FBXW8: variants seen among roughly 807,000 people sequenced by gnomAD.
FBXW8 encodes the protein F-box/WD repeat-containing protein 8.
Under a neutral mutation model 65.3 loss-of-function variants are expected in FBXW8, and 57 were observed. The observed-to-expected ratio is 0.87, with a 90% CI of 0.71 to 1.09. FBXW8 has a LOEUF of 1.09. Ranked by LOEUF, FBXW8 falls within the 50% of genes least tolerant of loss-of-function variation. The pLI is 0.00. For missense variants in FBXW8, 777 were observed against 814.8 expected (o/e 0.95, Z 0.57); for synonymous variants, 308 against 330.2 (o/e 0.93, Z 0.73).
intron 4 of FBXW8, chr12:116,951,002 A>G (rs1320212189): frequency 6.6e-6 from 1 of 152,228 alleles, no homozygotes; most frequent in African/African-American, 2.4e-5. Context: ...TTAAAAATAA[A>G]GGAGAGCCTT....
chr12:117,025,774 T>C (rs1954214028), intron 9 of FBXW8, among the ~76,000 whole-genome samples: 1 of 152,156 alleles, frequency 6.6e-6, no homozygotes, highest in East Asian at 1.9e-4. Context: ...CCCGGAAGCA[T>C]TGCCTTTGAG....
chr12:116,910,980 A>G lies in FBXW8; in HGVS notation c.-58A>G, dbSNP rs1309635017. On this transcript the variant is annotated 5_prime_UTR_variant, in exon 1 of 11. Transcript: ENST00000652555. ...CGCGGCGGACACTTCCCTGGGCGGGACTGTCTCGTGGCACCCGGTGGAACC... is the reference window on the plus strand; with the variant it reads ...CGCGGCGGACACTTCCCTGGGCGGGGCTGTCTCGTGGCACCCGGTGGAACC... 2.3e-6 allele frequency: 3 copies of G among 1,324,440 alleles called. No individual in the cohort carries two copies. Among genetic ancestry groups the G allele is most frequent in the Non-Finnish European group, 2.9e-6 (3 of 1,039,302 alleles). The allele number at this position is 1,324,440 out of a possible 1,614,324, so 82.0% of individuals were successfully genotyped here. A position where few individuals can be genotyped will look rare whatever the true frequency, so the allele number is the denominator to read the frequency against.
chr12:116,920,868 A>G lies in FBXW8; in HGVS notation c.319-7155A>G, dbSNP rs140644554. 1.4e-3 allele frequency among the ~76,000 whole-genome samples: 214 copies of G among 152,288 alleles called. 2 individuals carry two copies. Among genetic ancestry groups the G allele is most frequent in the African/African-American group, 5.0e-3 (206 of 41,556 alleles). On this transcript the variant is annotated intron_variant, in intron 1 of 10. Coordinates refer to ENST00000652555, the MANE Select transcript of FBXW8 (RefSeq NM_153348.3). ...TGTGAACATCTTTACTCTTTTCACA[A>G]ACCCACTGTGGTTTCAAAAACCACA...
chr12:116,959,933 T>C (rs1267417389), intron 4 of FBXW8, among the ~76,000 whole-genome samples: 1 of 152,218 alleles, frequency 6.6e-6, no homozygotes, highest in Non-Finnish European at 1.5e-5. Context: ...AGTTTTTCCT[T>C]AGTGTTCTTA....
chr12:116,945,658 A>G, intron 3 of FBXW8, 130 bp downstream of exon 3: 1 of 797,478 alleles, frequency 1.3e-6, no homozygotes, highest in South Asian at 2.0e-5. Flanking sequence ...CCTCCCCTTC[A>G]GCTGTTGGTG....
intron 6 of FBXW8, 133 bp from the exon 7 acceptor site, chr12:116,988,530 C>G (rs1953153756): frequency 1.3e-6 from 1 of 763,260 alleles, no homozygotes; most frequent in Non-Finnish European, 2.3e-6. Flanking sequence ...TGTTTCATTT[C>G]CTGTGAGTGT....
At chr12:116,979,791 A>C (rs1378765102) in intron 5 of FBXW8, among the ~76,000 whole-genome samples, 2 of 151,910 alleles carry the variant, frequency 1.3e-5, no homozygotes, top group Non-Finnish European at 2.9e-5. Flanking sequence ...AAAAAAAAAA[A>C]AAAAACACTT....
chr12:116,943,799 TG>T (rs1882759610), intron 2 of FBXW8, among the ~76,000 whole-genome samples: 1 of 152,232 alleles, frequency 6.6e-6, no homozygotes, highest in South Asian at 2.1e-4. Flanking sequence ...TCAAGCTTTT[TG>T]GTCAGCCTCT....
Position 116,911,005 on chromosome 12 carries a change from C to A in FBXW8, c.-33C>A, listed in dbSNP as rs756123296. The A allele has an allele frequency of 7.3e-7, 1 of 1,371,628 alleles. No individual in the cohort carries two copies. Among genetic ancestry groups the A allele is most frequent in the African/African-American group, 1.5e-5 (1 of 65,636 alleles). 85.0% of individuals were successfully genotyped at this position (1,371,628 alleles called of 1,614,324 possible). ...ACTGTCTCGTGGCACCCGGTGGAAC[C>A]GAGGAGAACGTGGAGCGCCGGGAGC... On this transcript the variant is annotated 5_prime_UTR_variant, in exon 1 of 11. Transcript: ENST00000652555.
intron 7 of FBXW8, among the ~76,000 whole-genome samples, chr12:117,006,459 G>A (rs547536877): frequency 7.9e-5 from 12 of 152,350 alleles, no homozygotes; most frequent in African/African-American, 2.9e-4. Context: ...TTCCTTCACA[G>A]TTTGCCTGGA....
At chr12:117,025,061 C>G (rs1434687912) in intron 9 of FBXW8, among the ~76,000 whole-genome samples, 2 of 152,126 alleles carry the variant, frequency 1.3e-5, no homozygotes, top group Middle Eastern at 3.2e-3. Flanking sequence ...GCTGGCTCAT[C>G]AGAGCTGACT....
intron 1 of FBXW8, among the ~76,000 whole-genome samples, chr12:116,914,793 T>C (rs1880268652): frequency 6.6e-6 from 1 of 152,168 alleles, no homozygotes; most frequent in Admixed American, 6.5e-5. Flanking sequence ...GAGAATCTCT[T>C]GAACCCAGGA....
intron 5 of FBXW8, among the ~76,000 whole-genome samples, chr12:116,977,265 T>G (rs796767993): frequency 2.8e-4 from 42 of 152,352 alleles, no homozygotes; most frequent in African/African-American, 8.4e-4. Context: ...TAGTATAATT[T>G]TAAGATTTTT....
chr12:117,011,744 T>C (rs1204438708), intron 8 of FBXW8, among the ~76,000 whole-genome samples: 1 of 152,156 alleles, frequency 6.6e-6, no homozygotes, highest in Non-Finnish European at 1.5e-5. Context: ...GGATGGTGGA[T>C]GGTGCTCAGA....
intron 8 of FBXW8, among the ~76,000 whole-genome samples, chr12:117,016,028 CAA>C (rs1039826321): frequency 3.3e-5 from 5 of 152,172 alleles, no homozygotes; most frequent in African/African-American, 1.2e-4. Flanking sequence ...TTTTTCTGGC[CAA>C]GTAATATTCC....
intron 5 of FBXW8, chr12:116,978,431 T>G (rs905459618): frequency 2.6e-5 from 4 of 152,236 alleles, no homozygotes; most frequent in Non-Finnish European, 4.4e-5. Flanking sequence ...TCAAAATGCC[T>G]TTTCCTTTGT....
At chr12:117,023,762 G>T (rs1209448016) in intron 8 of FBXW8, among the ~76,000 whole-genome samples, 2 of 152,230 alleles carry the variant, frequency 1.3e-5, no homozygotes, top group Non-Finnish European at 2.9e-5. Context: ...GTCTGGCTTT[G>T]TAGCTCTTGC....
intron 1 of FBXW8, 28 bp downstream of exon 1, chr12:116,911,383 CATGCCTGCG>C: frequency 6.4e-6 from 8 of 1,244,580 alleles, no homozygotes; most frequent in South Asian, 3.2e-5. Flanking sequence ...CCCCCCCGCC[CATGCCTGCG>C]CCGGCCCCCG....
intron 4 of FBXW8, among the ~76,000 whole-genome samples, chr12:116,963,975 TG>T (rs1219118901): frequency 6.6e-6 from 1 of 152,226 alleles, no homozygotes. Flanking sequence ...CTGGCCATTC[TG>T]TCATCCTGGG....
Sources: gnomAD v4.1 joint callset for allele counts (sites outside exome capture counted in the v4.1 genomes callset) on GRCh38, gnomAD v4.1.1 for gene constraint, MANE v1.5 for transcripts, NCBI Gene and HGNC (gene_info 2026-07-23, HGNC 2026-07-21) for gene names.